The following MPRIP variants were observed in gnomAD, a reference collection of about 807,000 sequenced individuals.
The protein encoded by MPRIP is myosin phosphatase Rho-interacting protein.
MPRIP carries 59 observed loss-of-function variants against 234.9 expected under a neutral mutation model. That is an observed-to-expected ratio of 0.25 (90% CI 0.20 to 0.31). The LOEUF (loss-of-function observed/expected upper bound fraction) is 0.31, where lower values mean the gene tolerates loss of function less well. Ranked by LOEUF, MPRIP falls within the 10% of genes least tolerant of loss-of-function variation. MPRIP has a pLI of 1.00. For missense variants in MPRIP, 2,436 were observed against 3,071.0 expected (o/e 0.79, Z 4.89); for synonymous variants, 1,144 against 1,263.9 (o/e 0.91, Z 2.01).
intron 2 of MPRIP, 58 bp downstream of exon 2, chr17:17,075,845 T>TGA (rs1409893942): frequency 1.3e-6 from 2 of 1,529,274 alleles, no homozygotes. Context: ...CATCTAAGGG[T>TGA]GAACTGGCAG....
At chr17:17,115,931 C>T (rs1033503779) in intron 3 of MPRIP, among the ~76,000 whole-genome samples, 1 of 152,224 alleles carries the variant, frequency 6.6e-6, no homozygotes, top group Non-Finnish European at 1.5e-5. Flanking sequence ...CCCTGCAGAG[C>T]CTGCCACTGT....
chr17:17,107,546 A>G (rs183508034), intron 3 of MPRIP, among the ~76,000 whole-genome samples: 1 of 152,330 alleles, frequency 6.6e-6, no homozygotes, highest in Admixed American at 6.5e-5. Flanking sequence ...CTCACGCAGC[A>G]GCTTCCTCTG....
At chr17:17,129,740 T>C (rs1388394613) in intron 4 of MPRIP, among the ~76,000 whole-genome samples, 2 of 152,200 alleles carry the variant, frequency 1.3e-5, no homozygotes, top group Non-Finnish European at 2.9e-5. Context: ...TGATGGAACC[T>C]GGGCCAGTCT....
intron 1 of MPRIP, among the ~76,000 whole-genome samples, chr17:17,050,298 G>C (rs919434011): frequency 8.3e-6 from 1 of 120,412 alleles, no homozygotes; most frequent in Non-Finnish European, 1.6e-5. Flanking sequence ...CTGGGCAATA[G>C]AGTGAGACTC....
chr17:17,171,537 G>T, intron 16 of MPRIP, 181 bp from the exon 17 acceptor site: 1 of 679,430 alleles, frequency 1.5e-6, no homozygotes, highest in Non-Finnish European at 2.5e-6. Context: ...TGATGGCATT[G>T]CTGAGAATCC....
At chr17:17,175,184 C>A (rs912117075) in intron 19 of MPRIP, 109 bp from the exon 20 acceptor site, 17 of 1,501,916 alleles carry the variant, frequency 1.1e-5, no homozygotes, top group Non-Finnish European at 1.6e-5. Context: ...CCTGCCTACG[C>A]AGTTCCACAG....
intron 17 of MPRIP, among the ~76,000 whole-genome samples, 197 bp downstream of exon 17, chr17:17,172,062 C>T (rs560094892): frequency 1.4e-4 from 21 of 152,330 alleles, no homozygotes; most frequent in Admixed American, 7.2e-4. Context: ...AAACTGAGAG[C>T]GCACACTTCG....
At chr17:17,069,248 C>T (rs969100288) in intron 1 of MPRIP, among the ~76,000 whole-genome samples, 4 of 152,128 alleles carry the variant, frequency 2.6e-5, no homozygotes, top group Admixed American at 2.6e-4. Context: ...AACAACTCTG[C>T]TCTCCTTAGA....
intron 3 of MPRIP, among the ~76,000 whole-genome samples, chr17:17,121,445 A>T (rs2090386592): frequency 1.3e-5 from 2 of 152,140 alleles, no homozygotes; most frequent in African/African-American, 4.8e-5. Context: ...GCGGGATGAG[A>T]GTGACAGTAG....
rs765578077 is a variant in MPRIP, at chr17:17,158,786, A to T, written c.2184A>T (p.Ala728=). Residue 728 remains alanine (A), a synonymous_variant, in exon 14 of 24, where the codon GCA becomes GCT. Coordinates refer to ENST00000651222, the MANE Select transcript of MPRIP (RefSeq NM_001364716.4). ...DATDGPGTED[A]ALRMEVDRSP... ...CAGACGGGCCAGGCACTGAGGATGC[A>T]GCCCTGCGCATGGAGGTGGACCGGA... The T allele has an allele frequency of 2.0e-5, 33 of 1,611,628 alleles. No homozygotes were observed. Among genetic ancestry groups the T allele is most frequent in the Non-Finnish European group, 3.4e-6 (4 of 1,179,906 alleles).
intron 4 of MPRIP, among the ~76,000 whole-genome samples, chr17:17,131,355 G>A (rs1372432133): frequency 6.6e-6 from 1 of 152,250 alleles, no homozygotes; most frequent in Non-Finnish European, 1.5e-5. Context: ...GTCAGTAATG[G>A]AAGTTACACA....
intron 1 of MPRIP, among the ~76,000 whole-genome samples, chr17:17,058,664 T>A (rs891424907): frequency 1.4e-4 from 22 of 152,168 alleles, no homozygotes; most frequent in African/African-American, 5.3e-4. Flanking sequence ...TCCGCATTGT[T>A]GAGAGAAAGG....
chr17:17,130,833 G>T (rs953820504), intron 4 of MPRIP, among the ~76,000 whole-genome samples: 4 of 152,104 alleles, frequency 2.6e-5, no homozygotes, highest in Non-Finnish European at 5.9e-5. Context: ...AACTGCTGTT[G>T]GTTCCTTTGT....
rs1451212440 is a variant in MPRIP, at chr17:17,164,431, C to T, written c.2840C>T (p.Ala947Val). The change falls in exon 16 of 24, where the codon GCG becomes GTG. Residue 947 changes from alanine to valine, a missense_variant. Physicochemically the swap from Ala to Val is moderately conservative, Grantham distance 64. Transcript: ENST00000651222. Reference protein sequence around the residue: ...QLEERQHSEAALSSQLRASEQ... With the variant: ...QLEERQHSEAVLSSQLRASEQ... ...GAGGAGCGGCAACACAGCGAGGCGG[C>T]GCTGAGCAGCCAGCTGAGGGCTAGC... The T allele has an allele frequency of 6.3e-6, 8 of 1,264,596 alleles. No individual in the cohort carries two copies. The highest frequency in any genetic ancestry group is 5.2e-5 in the South Asian group (4 of 76,358). 78.3% of individuals were successfully genotyped at this position (1,264,596 alleles called of 1,614,324 possible).
chr17:17,053,607 G>A (rs565561426), intron 1 of MPRIP, among the ~76,000 whole-genome samples: 3 of 152,240 alleles, frequency 2.0e-5, no homozygotes, highest in African/African-American at 7.2e-5. Flanking sequence ...GCGAGATGGG[G>A]CAGGGGCAGT....
chr17:17,162,018 G>T (rs1321777581), intron 15 of MPRIP, among the ~76,000 whole-genome samples: 2 of 152,236 alleles, frequency 1.3e-5, no homozygotes, highest in Non-Finnish European at 2.9e-5. Flanking sequence ...CTTGTGCCAG[G>T]TATTGGGCAT....
Position 17,177,304 on chromosome 17 carries a change from G to A in MPRIP, c.7012G>A (p.Ala2338Thr), listed in dbSNP as rs750059625. Reference protein sequence around the residue: ...YKDIYTELSIAKAKADCDISR... With the variant: ...YKDIYTELSITKAKADCDISR... ...AGACATCTACACAGAGCTCAGCATC[G>A]CGAAGGCTAAGGCTGACTGTGACAT... Residue 2338 changes from alanine to threonine, a missense_variant, in exon 22 of 24, where the codon GCG becomes ACG. By Grantham distance (58) the Ala-to-Thr change is moderately conservative. Transcript: ENST00000651222. The A allele has an allele frequency of 6.2e-6, 10 of 1,613,924 alleles. No individual in the cohort carries two copies. The East Asian group carries it at 8.9e-5, about 14-fold the overall frequency.
At chr17:17,067,282 T>C (rs1372035214) in intron 1 of MPRIP, among the ~76,000 whole-genome samples, 1 of 152,224 alleles carries the variant, frequency 6.6e-6, no homozygotes, top group African/African-American at 2.4e-5. Flanking sequence ...TTATGGCTTC[T>C]CTTTGGCATA....
intron 3 of MPRIP, among the ~76,000 whole-genome samples, chr17:17,119,235 ACAG>A (rs1298587797): frequency 1.4e-4 from 21 of 152,220 alleles, no homozygotes; most frequent in Non-Finnish European, 2.2e-4. Context: ...TGTCTGCAGC[ACAG>A]CCCACCAGCC....
Sources: allele counts gnomAD v4.1 joint callset (sites outside exome capture counted in the v4.1 genomes callset), GRCh38; gene constraint gnomAD v4.1.1; transcripts MANE v1.5; gene names NCBI Gene and HGNC (gene_info 2026-07-23, HGNC 2026-07-21).